Variants in HECW2 observed in about 807,000 individuals in gnomAD.
The protein encoded by HECW2 is E3 ubiquitin-protein ligase HECW2.
Under a neutral mutation model 175.2 loss-of-function variants are expected in HECW2, and 61 were observed. That is an observed-to-expected ratio of 0.35 (90% CI 0.28 to 0.43). The LOEUF (loss-of-function observed/expected upper bound fraction) is 0.43, where lower values mean the gene tolerates loss of function less well. HECW2 is among the 20% of genes least tolerant of loss of function. The pLI is 1.00. For synonymous variants in HECW2, 671 were observed against 731.0 expected, an observed-to-expected ratio of 0.92 and a Z score of 1.32; for missense variants, 1,524 against 2,000.5, an observed-to-expected ratio of 0.76 and a Z score of 4.54.
rs374452276 is a variant in HECW2 at position 196,275,700 on chromosome 2, A to C, written c.3136-1577T>G. On this transcript the variant is annotated intron_variant, in intron 15 of 28. Coordinates refer to ENST00000644978, the MANE Select transcript of HECW2 (RefSeq NM_001348768.2). ...CCGGGAGGTGGTGGTTGCAGTGAGCAAAGATCGCACCACTGCACTCCTGCC... is the reference window on the plus strand; with the variant it reads ...CCGGGAGGTGGTGGTTGCAGTGAGCCAAGATCGCACCACTGCACTCCTGCC... 3.9e-5 allele frequency among the ~76,000 whole-genome samples: 6 copies of C among 152,040 alleles called. No individual in the cohort carries two copies. The East Asian group carries it at 1.2e-3, about 29-fold the overall frequency.
intron 1 of HECW2, among the ~76,000 whole-genome samples, chr2:196,575,080 C>CAAAAAAAAAAA (rs1164886570): frequency 3.4e-5 from 1 of 29,846 alleles, no homozygotes; most frequent in African/African-American, 1.6e-4. Flanking sequence ...GGCCTTGTCT[C>CAAAAAAAAAAA]AAAAAAAAAA....
intron 2 of HECW2, among the ~76,000 whole-genome samples, chr2:196,353,497 C>A (rs1227458180): frequency 6.6e-6 from 1 of 152,138 alleles, no homozygotes; most frequent in Non-Finnish European, 1.5e-5. Context: ...TGATGTATCC[C>A]AAGTGCCTAG....
rs1692816827 is a variant in HECW2 at position 196,343,036 on chromosome 2, T to C, written c.400+621A>G. The stretch of plus-strand genomic sequence containing the variant: ...ATATATACATGTATATGTATGTACA[T>C]GTAATATTTGCATATATATGTAAAT... On this transcript the variant is annotated intron_variant, in intron 3 of 28. Transcript: ENST00000644978. Among the ~76,000 whole-genome samples, 4 of 151,014 alleles carry C rather than the reference T, an allele frequency of 2.6e-5. No individual in the cohort carries two copies. In the South Asian group the frequency reaches 8.3e-4, roughly 31 times the overall value.
intron 2 of HECW2, chr2:196,361,799 T>G (rs1693596648): frequency 1.0e-5 from 10 of 984,926 alleles, no homozygotes; most frequent in Admixed American, 6.1e-5. Flanking sequence ...CACAGCACTT[T>G]CCAATATCTT....
chr2:196,591,701 G>T (rs2125541426), intron 1 of HECW2, among the ~76,000 whole-genome samples: 1 of 149,558 alleles, frequency 6.7e-6, no homozygotes, highest in Admixed American at 6.7e-5. Context: ...GACCCTTTAT[G>T]CCTGGCTTCT....
chr2:196,516,482 G>C (rs750680170), intron 1 of HECW2, among the ~76,000 whole-genome samples: 4 of 151,866 alleles, frequency 2.6e-5, no homozygotes, highest in Non-Finnish European at 5.9e-5. Flanking sequence ...ATGTTTATTC[G>C]TATTATATAA....
intron 22 of HECW2, 37 bp from the exon 23 acceptor site, chr2:196,225,907 G>T: frequency 7.5e-7 from 1 of 1,330,392 alleles, no homozygotes; most frequent in Non-Finnish European, 1.1e-6. Context: ...TACATGTCAT[G>T]GAGCAGTTTC....
intron 1 of HECW2, among the ~76,000 whole-genome samples, chr2:196,516,079 G>A (rs577327996): frequency 6.6e-6 from 1 of 152,272 alleles, no homozygotes; most frequent in South Asian, 2.1e-4. Context: ...AGAGTTTGCA[G>A]TGAGCTGAGA....
chr2:196,417,474 C>G lies in HECW2; in HGVS notation c.292+15658G>C, dbSNP rs529540063. The stretch of plus-strand genomic sequence containing the variant: ...TTAAAAAAATTTTTAGAGACAGGCT[C>G]TTGCTATGCTGCCCAAGCTGGACTC... On this transcript the variant is annotated intron_variant, in intron 2 of 28. Coordinates refer to ENST00000644978, the MANE Select transcript of HECW2 (RefSeq NM_001348768.2). Among the ~76,000 whole-genome samples the G allele has an allele frequency of 2.6e-5, 4 of 152,336 alleles. No individual in the cohort carries two copies. The South Asian group carries it at 8.3e-4, about 32-fold the overall frequency.
intron 18 of HECW2, among the ~76,000 whole-genome samples, chr2:196,256,677 A>G (rs1689067818): frequency 6.6e-6 from 1 of 152,172 alleles, no homozygotes; most frequent in African/African-American, 2.4e-5. Context: ...CAACTATTTT[A>G]TCACCAACCA....
chr2:196,264,674 T>C (rs549431961), intron 17 of HECW2, among the ~76,000 whole-genome samples: 97 of 152,342 alleles, frequency 6.4e-4, no homozygotes, highest in African/African-American at 2.3e-3. Flanking sequence ...TTTTAGGTGA[T>C]TGACTGTCCA....
chr2:196,467,172 A>G (rs1230291751), intron 1 of HECW2, among the ~76,000 whole-genome samples: 1 of 152,232 alleles, frequency 6.6e-6, no homozygotes, highest in Non-Finnish European at 1.5e-5. Flanking sequence ...AATTATTATA[A>G]TTTAAATGAA....
intron 1 of HECW2, among the ~76,000 whole-genome samples, chr2:196,484,538 C>G (rs888195614): frequency 6.6e-6 from 1 of 152,178 alleles, no homozygotes; most frequent in Non-Finnish European, 1.5e-5. Flanking sequence ...TCACCCTATT[C>G]TGCTCCTGCC....
rs540035448 is a variant in HECW2, at chr2:196,248,960, A to G, written c.3529+4960T>C. Among the ~76,000 whole-genome samples, 55 of 152,270 alleles carry G rather than the reference A, an allele frequency of 3.6e-4. 2 individuals are homozygous for G. The highest frequency in any genetic ancestry group is 6.8e-3 in the Middle Eastern group (2 of 294). On this transcript the variant is annotated intron_variant, in intron 19 of 28. Coordinates refer to ENST00000644978, the MANE Select transcript of HECW2 (RefSeq NM_001348768.2). Reference sequence around the variant, plus strand: ...AGTCCAGCTCTAGTCAAGTAACAAGAGCTCTGCATCATGATTCATAGGCAC... The same window carrying G: ...AGTCCAGCTCTAGTCAAGTAACAAGGGCTCTGCATCATGATTCATAGGCAC...
chr2:196,302,728 T>C (rs1691108986), intron 13 of HECW2, among the ~76,000 whole-genome samples: 2 of 152,214 alleles, frequency 1.3e-5, no homozygotes. Context: ...TTGCCTGTTG[T>C]TGGTGTATAG....
intron 1 of HECW2, among the ~76,000 whole-genome samples, chr2:196,503,913 C>CT (rs1335982442): frequency 6.6e-6 from 1 of 152,166 alleles, no homozygotes; most frequent in Non-Finnish European, 1.5e-5. Flanking sequence ...AGACTTCCAA[C>CT]TGCAGAACCA....
rs992433801 is a variant in HECW2 at position 196,307,179 on chromosome 2, A to G, written c.2640T>C (p.Asn880=). 3 of 1,613,910 alleles carry G rather than the reference A, an allele frequency of 1.9e-6. No homozygotes were observed. The highest frequency in any genetic ancestry group is 2.5e-6 in the Non-Finnish European group (3 of 1,179,926). Residue 880 remains asparagine (N), a synonymous_variant, in exon 12 of 29, where the codon AAT becomes AAC. Transcript: ENST00000644978. ...CTTCCTCCCCTGCCCCATCAATAGC[A>G]TTGGTATTTTCCTCAGGCCTCTCAT... ...MTNERPEENT[N]AIDGAGEEAD... is the part of the protein sequence containing the mutation.
chr2:196,390,756 G>T (rs1396729204), intron 2 of HECW2, among the ~76,000 whole-genome samples: 2 of 152,140 alleles, frequency 1.3e-5, no homozygotes, highest in African/African-American at 2.4e-5. Context: ...TGCAAAACAT[G>T]TCACCATAAG....
intron 1 of HECW2, among the ~76,000 whole-genome samples, chr2:196,575,855 AC>A (rs11297718): frequency 0.035 from 5,312 of 152,110 alleles, 306 homozygotes; most frequent in African/African-American, 0.12. Context: ...GCTCTTTTAA[AC>A]AACCACCTCT....
Sources: allele counts gnomAD v4.1 joint callset (sites outside exome capture counted in the v4.1 genomes callset), GRCh38; gene constraint gnomAD v4.1.1; transcripts MANE v1.5; gene names NCBI Gene and HGNC (gene_info 2026-07-23, HGNC 2026-07-21).